Variants in FAM184A observed in about 807,000 individuals in gnomAD.
The protein encoded by FAM184A is family with sequence similarity 184 member A.
Under a neutral mutation model 143.8 loss-of-function variants are expected in FAM184A, and 99 were observed. The observed-to-expected ratio is 0.69, with a 90% CI of 0.58 to 0.81. The LOEUF (loss-of-function observed/expected upper bound fraction) is 0.81. Ranked by LOEUF, FAM184A falls within the 40% of genes least tolerant of loss-of-function variation. The probability of loss-of-function intolerance (pLI) is 0.00; values close to 1 mark genes in which losing one functional copy is unlikely to be tolerated. For missense variants in FAM184A, 1,217 were observed against 1,310.5 expected (o/e 0.93, Z 1.10); for synonymous variants, 427 against 446.4 (o/e 0.96, Z 0.55).
chr6:119,141,439 CG>C (rs1369551011), intron 1 of FAM184A, among the ~76,000 whole-genome samples: 1 of 152,088 alleles, frequency 6.6e-6, no homozygotes, highest in Admixed American at 6.5e-5. Flanking sequence ...ATGGCGTGGG[CG>C]GGGGGAGGAT....
At chr6:119,050,415 A>G (rs808028) in intron 1 of FAM184A, among the ~76,000 whole-genome samples, 111,012 of 151,608 alleles carry the variant, frequency 0.73, 41,219 homozygotes, top group Admixed American at 0.8. Context: ...TAGCAAAGAC[A>G]TGGAATCAGC....
chr6:119,069,676 A>G (rs898523311), intron 1 of FAM184A, among the ~76,000 whole-genome samples: 1 of 152,148 alleles, frequency 6.6e-6, no homozygotes, highest in African/African-American at 2.4e-5. Flanking sequence ...CCAATTTCCT[A>G]TATATGCACT....
At chr6:118,966,699 A>C (rs1043826525) in intron 15 of FAM184A, 136 bp downstream of exon 15, 6 of 432,998 alleles carry the variant, frequency 1.4e-5, no homozygotes, top group African/African-American at 6.1e-5. Flanking sequence ...AAACATTTCA[A>C]TGAACTTTCA....
chr6:119,112,418 A>G (rs1255181360), intron 1 of FAM184A, among the ~76,000 whole-genome samples: 2 of 152,190 alleles, frequency 1.3e-5, no homozygotes, highest in Non-Finnish European at 2.9e-5. Flanking sequence ...GAGAGCCACC[A>G]CGCCTAGCCT....
chr6:118,978,732 T>C (rs559729487), intron 11 of FAM184A, among the ~76,000 whole-genome samples: 1 of 151,196 alleles, frequency 6.6e-6, no homozygotes, highest in East Asian at 2.0e-4. Context: ...CACTGAAGTA[T>C]GACAACATGT....
chr6:119,077,239 C>T (rs1011226911), intron 1 of FAM184A, among the ~76,000 whole-genome samples: 1 of 152,164 alleles, frequency 6.6e-6, no homozygotes, highest in African/African-American at 2.4e-5. Flanking sequence ...GTAACCCCCA[C>T]GATGCCCATC....
At chr6:118,990,003 A>AT (rs1784324506) in intron 9 of FAM184A, among the ~76,000 whole-genome samples, 1 of 151,612 alleles carries the variant, frequency 6.6e-6, no homozygotes, top group Admixed American at 6.6e-5. Flanking sequence ...TAATTTTTGT[A>AT]TTTTTAGTAG....
At chr6:119,106,324 C>T (rs1034739152) in intron 1 of FAM184A, among the ~76,000 whole-genome samples, 2 of 151,900 alleles carry the variant, frequency 1.3e-5, no homozygotes, top group Non-Finnish European at 2.9e-5. Context: ...CCCAGGAAGG[C>T]GGAGCTTGCA....
chr6:119,083,076 G>A (rs1385213912), upstream of FAM184A, among the ~76,000 whole-genome samples: 1 of 152,232 alleles, frequency 6.6e-6, no homozygotes, highest in African/African-American at 2.4e-5. Context: ...CCATGTGTAA[G>A]CCACCAAGGT....
chr6:118,966,372 T>C (rs1366108091), intron 15 of FAM184A, among the ~76,000 whole-genome samples: 3 of 152,048 alleles, frequency 2.0e-5, no homozygotes, highest in Non-Finnish European at 2.9e-5. Context: ...TTATGGAACA[T>C]TTTTTTTCTA....
chr6:119,061,582 TG>T (rs1371374241), intron 1 of FAM184A, among the ~76,000 whole-genome samples: 12 of 141,948 alleles, frequency 8.5e-5, no homozygotes, highest in South Asian at 2.4e-4. Flanking sequence ...CTCACTACGT[TG>T]CCCAGACTGG....
At chr6:119,098,136 T>G (rs1023190840) in intron 1 of FAM184A, among the ~76,000 whole-genome samples, 3 of 152,194 alleles carry the variant, frequency 2.0e-5, no homozygotes, top group Non-Finnish European at 4.4e-5. Context: ...TCCCCCATAC[T>G]GTACTCGTGG....
At chr6:119,121,108 C>A (rs1411936379) in intron 1 of FAM184A, among the ~76,000 whole-genome samples, 2 of 151,388 alleles carry the variant, frequency 1.3e-5, no homozygotes. Flanking sequence ...CCACACCTAG[C>A]CCTGTATTAT....
At chr6:119,148,898 G>A (rs940720593) in intron 1 of FAM184A, among the ~76,000 whole-genome samples, 2 of 151,882 alleles carry the variant, frequency 1.3e-5, no homozygotes, top group Admixed American at 1.3e-4. Context: ...CCTGATCAAT[G>A]GCCATTTGTT....
chr6:118,964,134 G>A (rs542042186), intron 16 of FAM184A, among the ~76,000 whole-genome samples: 72 of 152,246 alleles, frequency 4.7e-4, no homozygotes, highest in African/African-American at 1.7e-3. Flanking sequence ...AGACCAGCCT[G>A]AGCAACGCAG....
intron 1 of FAM184A, among the ~76,000 whole-genome samples, chr6:119,036,731 T>C (rs984909774): frequency 6.6e-6 from 1 of 152,184 alleles, no homozygotes; most frequent in African/African-American, 2.4e-5. Context: ...CAAAGAAAAG[T>C]ATGAATGTTC....
intron 1 of FAM184A, among the ~76,000 whole-genome samples, chr6:119,108,561 A>C (rs1227785934): frequency 7.2e-5 from 11 of 152,184 alleles, no homozygotes; most frequent in Non-Finnish European, 4.4e-5. Context: ...ACTTTTTAAA[A>C]GACTGTCTAC....
At chr6:119,128,627 G>A (rs1413321639) in intron 1 of FAM184A, among the ~76,000 whole-genome samples, 1 of 152,024 alleles carries the variant, frequency 6.6e-6, no homozygotes, top group East Asian at 1.9e-4. Context: ...GGGTGAGTGG[G>A]GAGGGAAGGA....
intron 1 of FAM184A, among the ~76,000 whole-genome samples, chr6:119,104,660 A>G (rs1209306541): frequency 1.3e-5 from 2 of 152,226 alleles, no homozygotes; most frequent in African/African-American, 2.4e-5. Flanking sequence ...TAAATGGTGC[A>G]TGCTTTCAAA....
Sources: allele counts gnomAD v4.1 joint callset (sites outside exome capture counted in the v4.1 genomes callset), GRCh38; gene constraint gnomAD v4.1.1; transcripts MANE v1.5; gene names NCBI Gene and HGNC (gene_info 2026-07-23, HGNC 2026-07-21).